UBE3D: variants seen among roughly 807,000 people sequenced by gnomAD.
The protein encoded by UBE3D is ubiquitin protein ligase E3D.
In UBE3D, 48 loss-of-function variants were observed where a neutral mutation model predicts 49.6. The observed-to-expected ratio is 0.97, with a 90% confidence interval of 0.77 to 1.23. UBE3D has a LOEUF of 1.23. UBE3D is among the 50% of genes most tolerant of loss of function. The pLI is 0.00. For synonymous variants in UBE3D, 189 were observed against 174.2 expected (o/e 1.08, Z -0.67); for missense variants, 452 against 468.4 (o/e 0.96, Z 0.32).
At chr6:83,019,275 G>A (rs1780918512) in intron 7 of UBE3D, 139 bp from the exon 8 acceptor site, 1 of 751,352 alleles carries the variant, frequency 1.3e-6, no homozygotes, top group Non-Finnish European at 1.9e-6. Context: ...TTTTAAAGTT[G>A]GGTAGGCCTT....
intron 8 of UBE3D, among the ~76,000 whole-genome samples, chr6:82,960,232 C>G (rs1188562419): frequency 6.6e-6 from 1 of 152,188 alleles, no homozygotes; most frequent in Non-Finnish European, 1.5e-5. Flanking sequence ...AAAAAATTAT[C>G]TTACATTGAT....
intron 9 of UBE3D, among the ~76,000 whole-genome samples, chr6:82,905,925 G>A (rs75715705): frequency 0.024 from 3,618 of 152,048 alleles, 137 homozygotes; most frequent in African/African-American, 0.082. Flanking sequence ...ATGAGCTCAC[G>A]GCCATTGGTT....
intron 8 of UBE3D, among the ~76,000 whole-genome samples, chr6:82,995,490 TCACACACACA>T (rs56663287): frequency 7.2e-6 from 1 of 138,278 alleles, no homozygotes; most frequent in East Asian, 2.1e-4. Flanking sequence ...ATACTAACAA[TCACACACACA>T]CACACACACA....
chr6:83,019,174 T>C (rs1780908828), intron 7 of UBE3D, 38 bp from the exon 8 acceptor site: 2 of 1,575,350 alleles, frequency 1.3e-6, no homozygotes, highest in African/African-American at 1.4e-5. Flanking sequence ...ATAAGAATAT[T>C]GTCACCTTAT....
intron 8 of UBE3D, among the ~76,000 whole-genome samples, chr6:83,011,551 A>G (rs1780335370): frequency 6.6e-6 from 1 of 152,198 alleles, no homozygotes; most frequent in Admixed American, 6.5e-5. Context: ...CCTGTATTTC[A>G]TGCATACTCT....
chr6:82,994,911 ACAT>A (rs1779138546), intron 8 of UBE3D, among the ~76,000 whole-genome samples: 1 of 152,228 alleles, frequency 6.6e-6, no homozygotes, highest in Non-Finnish European at 1.5e-5. Context: ...AGCAGAGACA[ACAT>A]AGAGACAAGA....
intron 8 of UBE3D, among the ~76,000 whole-genome samples, chr6:82,998,019 T>C (rs1779365807): frequency 6.6e-6 from 1 of 151,976 alleles, no homozygotes; most frequent in South Asian, 2.1e-4. Flanking sequence ...ATGACAAGAG[T>C]AAGGTTCTGG....
At chr6:82,931,834 G>A (rs1774176415) in intron 9 of UBE3D, among the ~76,000 whole-genome samples, 1 of 152,158 alleles carries the variant, frequency 6.6e-6, no homozygotes. Flanking sequence ...GTGAGTACAT[G>A]AGATCTGGGA....
intron 9 of UBE3D, among the ~76,000 whole-genome samples, chr6:82,917,003 T>C (rs1172508963): frequency 6.6e-6 from 1 of 152,190 alleles, no homozygotes; most frequent in Non-Finnish European, 1.5e-5. Context: ...GGAGAATACC[T>C]GGGAGCACTT....
rs70987732 is a variant in UBE3D, at chr6:83,035,180, CAAAAAA to C, written c.667+3230_667+3235del. On this transcript the variant is annotated intron_variant, in intron 5 of 9. Coordinates refer to ENST00000369747, the MANE Select transcript of UBE3D (RefSeq NM_198920.3). ...TGGGCAACAGAGTGAGACTATGTCT[CAAAAAA>C]AAAAAAAAAAATCTTTATTGCAATC... is the stretch of plus-strand genomic sequence containing the variant. Among the ~76,000 whole-genome samples, 81 of 137,806 alleles carry C rather than the reference CAAAAAA, an allele frequency of 5.9e-4. 1 individual carries two copies. The highest frequency in any genetic ancestry group is 6.8e-4 in the Non-Finnish European group (43 of 63,474). The allele number at this position is 137,806 out of a possible 152,430, so 90.4% of individuals were successfully genotyped here.
At chr6:82,964,864 T>C (rs766309364) in intron 8 of UBE3D, among the ~76,000 whole-genome samples, 1 of 152,042 alleles carries the variant, frequency 6.6e-6, no homozygotes, top group Admixed American at 6.5e-5. Flanking sequence ...TAAATAAAAA[T>C]AGACCCTGAA....
At position 83,044,519 on chromosome 6, in the gene UBE3D, A is replaced by C. The variant is rs902135064; in HGVS notation, c.506T>G (p.Leu169Trp). Residue 169 changes from leucine to tryptophan, a missense_variant, in exon 4 of 10, where the codon TTG (leucine) becomes TGG (tryptophan). Coordinates refer to ENST00000369747, the MANE Select transcript of UBE3D (RefSeq NM_198920.3). ...NDCFIGDSFFLVNLRTSLWQQ... is the reference protein window; with the variant it reads ...NDCFIGDSFFWVNLRTSLWQQ... ...CCACAAACTGGTTCTTAAATTCACCAAGAAGAAAGAGTCTCCAATAAAACA... is the reference window on the plus strand; with the variant it reads ...CCACAAACTGGTTCTTAAATTCACCCAGAAGAAAGAGTCTCCAATAAAACA... The C allele has an allele frequency of 1.4e-5, 23 of 1,614,064 alleles. No individual in the cohort carries two copies. Among genetic ancestry groups the C allele is most frequent in the Non-Finnish European group, 1.9e-5 (22 of 1,180,012 alleles).
intron 9 of UBE3D, among the ~76,000 whole-genome samples, chr6:82,951,525 T>C (rs551854860): frequency 6.6e-6 from 1 of 152,312 alleles, no homozygotes; most frequent in African/African-American, 2.4e-5. Flanking sequence ...AAGACTCTTC[T>C]GGAGCATTCT....
At chr6:82,945,058 A>T (rs1034675746) in intron 9 of UBE3D, among the ~76,000 whole-genome samples, 5 of 152,230 alleles carry the variant, frequency 3.3e-5, no homozygotes, top group Admixed American at 2.0e-4. Flanking sequence ...GAAGGGAAGA[A>T]CACAAGGCTG....
At chr6:82,908,187 C>T (rs79344526) in intron 9 of UBE3D, among the ~76,000 whole-genome samples, 128 of 152,214 alleles carry the variant, frequency 8.4e-4, no homozygotes, top group East Asian at 8.3e-3. Context: ...CAAAGAGGAA[C>T]GATTAACTGC....
At chr6:82,988,355 A>C (rs1206722179) in intron 8 of UBE3D, among the ~76,000 whole-genome samples, 1 of 152,224 alleles carries the variant, frequency 6.6e-6, no homozygotes, top group Non-Finnish European at 1.5e-5. Context: ...TGTAAATTCA[A>C]GACAGTTCAT....
intron 8 of UBE3D, among the ~76,000 whole-genome samples, chr6:82,993,382 T>C (rs1395939571): frequency 6.6e-6 from 1 of 152,074 alleles, no homozygotes; most frequent in Non-Finnish European, 1.5e-5. Flanking sequence ...GAATATACAG[T>C]CATCCCTCAG....
At chr6:82,923,485 C>T (rs1317294108) in intron 9 of UBE3D, among the ~76,000 whole-genome samples, 1 of 152,134 alleles carries the variant, frequency 6.6e-6, no homozygotes, top group Non-Finnish European at 1.5e-5. Flanking sequence ...TGCATGTTCT[C>T]ACTCATAAGT....
chr6:83,059,539 AG>A (rs1239568617), intron 1 of UBE3D, among the ~76,000 whole-genome samples: 1 of 152,228 alleles, frequency 6.6e-6, no homozygotes, highest in Non-Finnish European at 1.5e-5. Flanking sequence ...CTTTCAAACT[AG>A]ACTGTGTAGA....
Sources: allele counts gnomAD v4.1 joint callset (sites outside exome capture counted in the v4.1 genomes callset), GRCh38; gene constraint gnomAD v4.1.1; transcripts MANE v1.5; gene names NCBI Gene and HGNC (gene_info 2026-07-23, HGNC 2026-07-21).